CORO1B: variants seen among roughly 807,000 people sequenced by gnomAD.
CORO1B encodes the protein coronin 1B.
CORO1B carries 30 observed loss-of-function variants against 51.1 expected under a neutral mutation model. The ratio of observed to expected loss-of-function variants is 0.59; its 90% CI spans 0.44 to 0.80. The LOEUF (loss-of-function observed/expected upper bound fraction) is 0.80, where lower values mean the gene tolerates loss of function less well. Ranked by LOEUF, CORO1B falls within the 30% of genes least tolerant of loss-of-function variation. CORO1B has a pLI of 0.00. For synonymous variants in CORO1B, 310 were observed against 289.7 expected, an observed-to-expected ratio of 1.07 and a Z score of -0.71; for missense variants, 648 against 700.4, an observed-to-expected ratio of 0.93 and a Z score of 0.84.
chr11:67,441,444 G>T lies in CORO1B; in HGVS notation c.525C>A (p.His175Gln), dbSNP rs761088893. Residue 175 changes from histidine to glutamine, a missense_variant, in exon 5 of 11, where the codon CAC becomes CAA. His to Gln is a conservative substitution (Grantham distance 24, BLOSUM62 0). Transcript: ENST00000341356. ...AGCTGACATTGTAGATGAGGTCAGG[G>T]TGCAGGCTGTCCAGGCGGTACAGCT... ...AEELYRLDSL[H>Q]PDLIYNVSWN... 3.1e-6 allele frequency: 5 copies of T among 1,613,930 alleles called. No individual in the cohort carries two copies. The highest frequency in any genetic ancestry group is 4.2e-6 in the Non-Finnish European group (5 of 1,180,026).
chr11:67,438,910 C>G lies in CORO1B; in HGVS notation c.1105G>C (p.Gly369Arg), dbSNP rs750391704. ...FQDDLYPDTA[G>R]PEAALEAEEW... The stretch of plus-strand genomic sequence containing the variant: ...TCAGCCTCCAGGGCTGCCTCGGGCC[C>G]GGCTGTGTCGGGGTACAGATCATCC... Residue 369 changes from glycine to arginine, a missense_variant, in exon 10 of 11, where the codon GGG (glycine) becomes CGG (arginine). By Grantham distance (125) the Gly-to-Arg change is moderately radical (BLOSUM62 -2). Coordinates refer to ENST00000341356, the MANE Select transcript of CORO1B (RefSeq NM_020441.3). The G allele has an allele frequency of 1.2e-6, 2 of 1,609,198 alleles. No homozygotes were observed. The highest frequency in any genetic ancestry group is 1.7e-6 in the Non-Finnish European group (2 of 1,178,968).
rs757719950 is a variant in CORO1B at position 67,441,460 on chromosome 11, C to T, written c.509G>A (p.Arg170His). The T allele has an allele frequency of 5.0e-6, 8 of 1,613,834 alleles. No individual in the cohort carries two copies. The highest frequency in any genetic ancestry group is 1.7e-5 in the Admixed American group (1 of 60,024). The part of the protein sequence containing the change: ...WNVGTAEELY[R>H]LDSLHPDLIY... ...GAGGTCAGGGTGCAGGCTGTCCAGG[C>T]GGTACAGCTCCTCCGCTGTGCCCAC... Residue 170 changes from arginine to histidine, a missense_variant, in exon 5 of 11, where the codon CGC (arginine) becomes CAC (histidine). Coordinates refer to ENST00000341356, the MANE Select transcript of CORO1B (RefSeq NM_020441.3).
In CORO1B at chr11:67,436,603, G is replaced by A. The variant is rs141833894; in HGVS notation, c.*1773C>T. On this transcript the variant is annotated 3_prime_UTR_variant, in exon 11 of 11. Coordinates refer to ENST00000341356, the MANE Select transcript of CORO1B (RefSeq NM_020441.3). Reference sequence around the variant, plus strand: ...ATTAAGCCACCTGCCTGGGGCCTTCGCACTGGCTGTTCCCTCTGCCCGGAA... The same window carrying A: ...ATTAAGCCACCTGCCTGGGGCCTTCACACTGGCTGTTCCCTCTGCCCGGAA... The A allele has an allele frequency of 1.1e-3, 459 of 411,378 alleles. 7 individuals carry two copies. The East Asian group carries it at 0.016, about 14-fold the overall frequency. The allele number at this position is 411,378 out of a possible 1,614,324, so 25.5% of individuals were successfully genotyped here. A position where few individuals can be genotyped will look rare whatever the true frequency, so the allele number is the denominator to read the frequency against.
At position 67,437,994 on chromosome 11, in the gene CORO1B, T is replaced by G; in HGVS notation, c.*382A>C. ...CATGTGTGACTCCTGTGACATCCTCTGTCTCCAGGTTTCCAGACTTCTCAG... is the reference window on the plus strand; with the variant it reads ...CATGTGTGACTCCTGTGACATCCTCGGTCTCCAGGTTTCCAGACTTCTCAG... On this transcript the variant is annotated 3_prime_UTR_variant, in exon 11 of 11. Transcript: ENST00000341356. 2.8e-6 allele frequency: 1 copy of G among 351,704 alleles called. No individual in the cohort carries two copies. Among genetic ancestry groups the G allele is most frequent in the Non-Finnish European group, 5.1e-6 (1 of 195,276 alleles). The allele number at this position is 351,704 out of a possible 1,614,324, so 21.8% of individuals were successfully genotyped here.
rs757671047 is a variant in CORO1B, at chr11:67,442,081, C to T, written c.209G>A (p.Arg70His). Residue 70 changes from arginine (R) to histidine (H), a missense_variant, in exon 3 of 11, where the codon CGC (arginine) becomes CAC (histidine). Coordinates refer to ENST00000341356, the MANE Select transcript of CORO1B (RefSeq NM_020441.3). Reference sequence around the variant, plus strand: ...CACCGTCGGGTAGGCCTTGTCAATGCGGCCCGTCTGTGGGCACGAGGGGGC... The same window carrying T: ...CACCGTCGGGTAGGCCTTGTCAATGTGGCCCGTCTGTGGGCACGAGGGGGC... ...FLVLPLSKTG[R>H]IDKAYPTVCG... is the part of the protein sequence containing the mutation. 5.0e-6 allele frequency: 8 copies of T among 1,610,730 alleles called. No homozygotes were observed. Among genetic ancestry groups the T allele is most frequent in the Admixed American group, 1.7e-5 (1 of 59,974 alleles).
In CORO1B at chr11:67,440,109, C is replaced by T; in HGVS notation, c.1007+9G>A. The T allele has an allele frequency of 6.2e-7, 1 of 1,605,730 alleles. No homozygotes were observed. Among genetic ancestry groups the T allele is most frequent in the East Asian group, 2.2e-5 (1 of 44,756 alleles). The stretch of plus-strand genomic sequence containing the variant: ...CCCTATCCCCGAGTGGCCTCGGTAG[C>T]CCTCTTACCGGGCGATCTCGCACTT... On this transcript the variant is annotated intron_variant, in intron 8 of 10. Coordinates refer to ENST00000341356, the MANE Select transcript of CORO1B (RefSeq NM_020441.3).
rs992963339 is a variant in CORO1B, at chr11:67,437,751, C to G, written c.*625G>C. 1 of 1,000,416 alleles carries G rather than the reference C, an allele frequency of 1.0e-6. No homozygotes were observed. The highest frequency in any genetic ancestry group is 4.0e-5 in the South Asian group (1 of 24,712). The allele number at this position is 1,000,416 out of a possible 1,614,324, so 62.0% of individuals were successfully genotyped here. On this transcript the variant is annotated 3_prime_UTR_variant, in exon 11 of 11. Coordinates refer to ENST00000341356, the MANE Select transcript of CORO1B (RefSeq NM_020441.3). The stretch of plus-strand genomic sequence containing the variant: ...CTTCCTGCCCACATACCCCACCTGC[C>G]CCTCCCTGCTGCAGGACCCCTGGTC...
At position 67,442,289 on chromosome 11, in the gene CORO1B, C is replaced by T. The variant is rs573831564; in HGVS notation, c.201+139G>A. 82 of 1,233,830 alleles carry T rather than the reference C, an allele frequency of 6.6e-5. No individual in the cohort carries two copies. In the African/African-American group the frequency reaches 1.0e-3, roughly 16 times the overall value. 76.4% of individuals were successfully genotyped at this position (1,233,830 alleles called of 1,614,324 possible). ...ACAGGCTACTTTCCATCTGTGCTAA[C>T]ACTTGGGGCGATAAATCTGGGTTAT... On this transcript the variant is annotated intron_variant, in intron 2 of 10. Coordinates refer to ENST00000341356, the MANE Select transcript of CORO1B (RefSeq NM_020441.3).
chr11:67,438,407 T>C lies in CORO1B; in HGVS notation c.1439A>G (p.Gln480Arg), dbSNP rs769763204. The C allele has an allele frequency of 5.6e-6, 9 of 1,609,514 alleles. No homozygotes were observed. In the South Asian group the frequency reaches 8.8e-5, roughly 16 times the overall value. ...QGDRICRLEE[Q>R]LGRMENGDA ...ATCCCCGTTCTCCATGCGGCCCAGC[T>C]GCTCCTCCAGGCGGCAGATGCGGTC... The change falls in exon 11 of 11, where the codon CAG becomes CGG. Residue 480 changes from glutamine (Q) to arginine (R), a missense_variant. Physicochemically the swap from Gln to Arg is conservative, Grantham distance 43. Coordinates refer to ENST00000341356, the MANE Select transcript of CORO1B (RefSeq NM_020441.3).
rs368200236 is a variant in CORO1B at position 67,441,450 on chromosome 11, G to T, written c.519C>A (p.Ser173Arg). The T allele has an allele frequency of 1.9e-6, 3 of 1,613,790 alleles. No individual in the cohort carries two copies. The highest frequency in any genetic ancestry group is 2.5e-6 in the Non-Finnish European group (3 of 1,180,042). ...GTAEELYRLD[S>R]LHPDLIYNVS... ...CATTGTAGATGAGGTCAGGGTGCAG[G>T]CTGTCCAGGCGGTACAGCTCCTCCG... Residue 173 changes from serine to arginine, a missense_variant, in exon 5 of 11, where the codon AGC becomes AGA. Physicochemically the swap from Ser to Arg is moderately radical, Grantham distance 110 (BLOSUM62 -1). Transcript: ENST00000341356.
At position 67,438,477 on chromosome 11, in the gene CORO1B, T is replaced by C; in HGVS notation, c.1369A>G (p.Met457Val). 6.2e-7 allele frequency: 1 copy of C among 1,609,854 alleles called. No individual in the cohort carries two copies. The highest frequency in any genetic ancestry group is 8.5e-7 in the Non-Finnish European group (1 of 1,177,756). The change falls in exon 11 of 11, where the codon ATG (methionine) becomes GTG (valine). Residue 457 changes from methionine to valine, a missense_variant. By Grantham distance (21) the Met-to-Val change is conservative. Transcript: ENST00000341356. ...GCCCTCAGGGCCCGCAGCTCCTGCATCACCTCCTCCAGCTTCCCAGCCTCC... is the reference window on the plus strand; with the variant it reads ...GCCCTCAGGGCCCGCAGCTCCTGCACCACCTCCTCCAGCTTCCCAGCCTCC... The part of the protein sequence containing the change: ...AGEAGKLEEV[M>V]QELRALRALV...
rs1221790111 is a variant in CORO1B, at chr11:67,441,722, G to A, written c.454+11C>T. On this transcript the variant is annotated intron_variant, in intron 4 of 10. Transcript: ENST00000341356. Reference sequence around the variant, plus strand: ...GGGGGGGGGGAGCACAAAACGGGGGGCGGTGCAGACCTGCACTGAGCAGCA... The same window carrying A: ...GGGGGGGGGGAGCACAAAACGGGGGACGGTGCAGACCTGCACTGAGCAGCA... The A allele has an allele frequency of 1.3e-6, 2 of 1,567,086 alleles. No homozygotes were observed. Among genetic ancestry groups the A allele is most frequent in the South Asian group, 1.1e-5 (1 of 90,146 alleles).
intron 1 of CORO1B, among the ~76,000 whole-genome samples, chr11:67,443,072 CGAGT>C (rs964656489): frequency 1.3e-5 from 2 of 152,146 alleles, no homozygotes; most frequent in African/African-American, 4.8e-5. Context: ...ACTGTGGGGC[CGAGT>C]GAGTGCCCAG....
chr11:67,440,321 C>T lies in CORO1B; in HGVS notation c.861+14G>A. 6.2e-7 allele frequency: 1 copy of T among 1,613,278 alleles called. No homozygotes were observed. The highest frequency in any genetic ancestry group is 8.5e-7 in the Non-Finnish European group (1 of 1,179,622). On this transcript the variant is annotated intron_variant, in intron 7 of 10. Transcript: ENST00000341356. ...GCCTCTTCCCTGCCCCTCGCCAGCC[C>T]TGCCCAGCCCCACCTTGCCGCAGAC...
rs1864270612 is a variant in CORO1B at position 67,436,213 on chromosome 11, G to A, written c.*2163C>T. Reference sequence around the variant, plus strand: ...GGCGCCAGGCCAGTGCTAGGCCAGTGGCCAGCAGTAGGAGCAGCAGCAGCA... The same window carrying A: ...GGCGCCAGGCCAGTGCTAGGCCAGTAGCCAGCAGTAGGAGCAGCAGCAGCA... On this transcript the variant is annotated 3_prime_UTR_variant, in exon 11 of 11. Coordinates refer to ENST00000341356, the MANE Select transcript of CORO1B (RefSeq NM_020441.3). 2 of 1,550,630 alleles carry A rather than the reference G, an allele frequency of 1.3e-6. No individual in the cohort carries two copies. Among genetic ancestry groups the A allele is most frequent in the Non-Finnish European group, 1.7e-6 (2 of 1,150,248 alleles).
intron 6 of CORO1B, 171 bp downstream of exon 6, chr11:67,440,954 T>C: frequency 3.4e-6 from 3 of 888,342 alleles, no homozygotes; most frequent in Non-Finnish European, 5.2e-6. Context: ...GGTGGGGCAG[T>C]CGGGCGAGCA....
chr11:67,435,930 G>A lies in CORO1B; in HGVS notation c.*2446C>T, dbSNP rs1442720997. ...GCTTCCTCAGCCCGCACGGGGACCT[G>A]CTCTGGGCTGGACGCCTCTCCACAT... is the stretch of plus-strand genomic sequence containing the variant. On this transcript the variant is annotated 3_prime_UTR_variant, in exon 11 of 11. Transcript: ENST00000341356. 3.1e-6 allele frequency: 5 copies of A among 1,613,162 alleles called. No homozygotes were observed. Among genetic ancestry groups the A allele is most frequent in the Non-Finnish European group, 4.2e-6 (5 of 1,179,884 alleles).
Position 67,441,426 on chromosome 11 carries a change from A to G in CORO1B, c.543T>C (p.Asn181=), listed in dbSNP as rs1449545690. 1.2e-6 allele frequency: 2 copies of G among 1,613,756 alleles called. No homozygotes were observed. The highest frequency in any genetic ancestry group is 1.7e-6 in the Non-Finnish European group (2 of 1,180,020). The stretch of plus-strand genomic sequence containing the variant: ...GGCTGCCATTGTGGTTCCAGCTGAC[A>G]TTGTAGATGAGGTCAGGGTGCAGGC... The part of the protein sequence containing the change: ...LDSLHPDLIY[N]VSWNHNGSLF... The change falls in exon 5 of 11, where the codon AAT becomes AAC. Residue 181 remains asparagine (N), a synonymous_variant. Transcript: ENST00000341356.
rs1267674577 is a variant in CORO1B, at chr11:67,436,083, G to C, written c.*2293C>G. 1 of 1,611,790 alleles carries C rather than the reference G, an allele frequency of 6.2e-7. No homozygotes were observed. Among genetic ancestry groups the C allele is most frequent in the African/African-American group, 1.3e-5 (1 of 74,894 alleles). ...GACCCCAGCTCAGCTCGGGCCTGCAGCCAGCGACCTGGGGGGCTGGCCCAG... is the reference window on the plus strand; with the variant it reads ...GACCCCAGCTCAGCTCGGGCCTGCACCCAGCGACCTGGGGGGCTGGCCCAG... On this transcript the variant is annotated 3_prime_UTR_variant, in exon 11 of 11. Transcript: ENST00000341356.
Sources: allele counts gnomAD v4.1 joint callset (sites outside exome capture counted in the v4.1 genomes callset), GRCh38; gene constraint gnomAD v4.1.1; transcripts MANE v1.5; gene names NCBI Gene and HGNC (gene_info 2026-07-23, HGNC 2026-07-21).